GCA: variants seen among roughly 807,000 people sequenced by gnomAD.
GCA encodes grancalcin, EF-hand calcium-binding protein.
GCA carries 30 observed loss-of-function variants against 32.6 expected under a neutral mutation model. The observed-to-expected ratio is 0.92, with a 90% confidence interval of 0.69 to 1.25. The LOEUF (loss-of-function observed/expected upper bound fraction) is 1.25. Among genes scored for constraint, GCA ranks in the 50% most tolerant of loss-of-function variants. The pLI is 0.00. For missense variants in GCA, 291 were observed against 266.8 expected, an observed-to-expected ratio of 1.09 and a Z score of -0.63; for synonymous variants, 102 against 84.6, an observed-to-expected ratio of 1.21 and a Z score of -1.13.
At chr2:162,359,728 A>T (rs536589265) in intron 7 of GCA, among the ~76,000 whole-genome samples, 176 bp downstream of exon 7, 2 of 151,184 alleles carry the variant, frequency 1.3e-5, no homozygotes, top group East Asian at 3.9e-4. Flanking sequence ...GGTGCCAAAC[A>T]ATTTGACTTC....
chr2:162,343,969 T>G, upstream of GCA: 1 of 464,274 alleles, frequency 2.2e-6, no homozygotes, highest in Non-Finnish European at 3.9e-6. Context: ...GGGCTCCCGA[T>G]GGGGTGTAGC....
At chr2:162,374,949 C>T (rs1435276820), downstream of GCA, among the ~76,000 whole-genome samples, 1 of 152,038 alleles carries the variant, frequency 6.6e-6, no homozygotes, top group Non-Finnish European at 1.5e-5. Flanking sequence ...ACTCTTGATA[C>T]CTGAAGGTCT....
chr2:162,345,927 CT>C lies in GCA; in HGVS notation c.28-1650del, dbSNP rs550169456. Among the ~76,000 whole-genome samples the C allele has an allele frequency of 3.9e-5, 6 of 152,228 alleles. 1 individual carries two copies. The South Asian group carries it at 1.2e-3, about 32-fold the overall frequency. ...TTAACAAAATATAAAATGTCAGCTG[CT>C]AGACCTAATTGTTTTGATAGTATAC... On this transcript the variant is annotated intron_variant, in intron 1 of 7. Transcript: ENST00000437150.
chr2:162,360,940 TATTTC>T lies in GCA; in HGVS notation c.*701_*705del. 8.7e-7 allele frequency: 1 copy of T among 1,143,890 alleles called. No individual in the cohort carries two copies. The highest frequency in any genetic ancestry group is 4.4e-5 in the South Asian group (1 of 22,846). The allele number at this position is 1,143,890 out of a possible 1,614,324, so 70.9% of individuals were successfully genotyped here. A position where few individuals can be genotyped will look rare whatever the true frequency, so the allele number is the denominator to read the frequency against. On this transcript the variant is annotated 3_prime_UTR_variant, in exon 8 of 8. Coordinates refer to ENST00000437150, the MANE Select transcript of GCA (RefSeq NM_012198.5). ...AAACATAGTATTTCTCTCTGCGTCC[TATTTC>T]ATTAGTGAAGACATAGTTCACCTAA...
downstream of GCA, among the ~76,000 whole-genome samples, chr2:162,365,376 G>A (rs1168244764): frequency 6.6e-6 from 1 of 151,424 alleles, no homozygotes; most frequent in Non-Finnish European, 1.5e-5. Context: ...TGCAAAACTA[G>A]TTGTGCAAGT....
Position 162,322,840 on chromosome 2 carries a change from C to A in GCA, c.-31+3615C>A, listed in dbSNP as rs1366492869. Among the ~76,000 whole-genome samples the A allele has an allele frequency of 3.3e-5, 5 of 151,726 alleles. No homozygotes were observed. In the East Asian group the frequency reaches 7.7e-4, roughly 23 times the overall value. On this transcript the variant is annotated intron_variant, in intron 1 of 4. Coordinates refer to the GCA transcript ENST00000429691. ...CATTTGGGTTGGTTCCAAGTCTTTGCTATTGTGAATAATGCCACAATAAAC... is the reference window on the plus strand; with the variant it reads ...CATTTGGGTTGGTTCCAAGTCTTTGATATTGTGAATAATGCCACAATAAAC...
intron 3 of GCA, among the ~76,000 whole-genome samples, chr2:162,354,820 A>T (rs1246216564): frequency 6.6e-6 from 1 of 152,120 alleles, no homozygotes; most frequent in African/African-American, 2.4e-5. Context: ...GCCTTAAATC[A>T]GTTTACTCTC....
downstream of GCA, chr2:162,373,418 C>A: frequency 2.3e-6 from 3 of 1,283,274 alleles, no homozygotes; most frequent in South Asian, 2.1e-5. Context: ...TTAGGTGACC[C>A]CTGGAAACAC....
intron 1 of GCA, 139 bp downstream of exon 1, chr2:162,344,414 C>T: frequency 6.4e-6 from 5 of 778,088 alleles, no homozygotes; most frequent in Non-Finnish European, 1.1e-5. Context: ...GATTCCGGGG[C>T]TGTTGGGGGC....
intron 1 of GCA, among the ~76,000 whole-genome samples, chr2:162,327,729 C>T (rs147853327): frequency 7.4e-4 from 113 of 152,346 alleles, no homozygotes; most frequent in African/African-American, 2.7e-3. Context: ...GGAGGCATAC[C>T]TGGCACCTCC....
chr2:162,362,230 T>C lies in GCA; in HGVS notation c.*1987T>C. 1.0e-6 allele frequency: 1 copy of C among 984,596 alleles called. No individual in the cohort carries two copies. Among genetic ancestry groups the C allele is most frequent in the Non-Finnish European group, 1.2e-6 (1 of 829,464 alleles). 61.0% of individuals were successfully genotyped at this position (984,596 alleles called of 1,614,324 possible). A position where few individuals can be genotyped will look rare whatever the true frequency, so the allele number is the denominator to read the frequency against. ...ATGTTTAATTTTATTTGACCCAGTT[T>C]TTTCCAAACTTTTTGACCACAGAAC... is the stretch of plus-strand genomic sequence containing the variant. On this transcript the variant is annotated 3_prime_UTR_variant, in exon 8 of 8. Transcript: ENST00000437150.
intron 2 of GCA, among the ~76,000 whole-genome samples, chr2:162,350,550 T>G (rs776930273): frequency 2.0e-5 from 3 of 152,226 alleles, no homozygotes; most frequent in Non-Finnish European, 2.9e-5. Flanking sequence ...ATAAGTAGTA[T>G]TATACTGAGA....
upstream of GCA, among the ~76,000 whole-genome samples, chr2:162,342,044 T>C (rs1262909156): frequency 6.6e-6 from 1 of 152,206 alleles, no homozygotes; most frequent in Admixed American, 6.5e-5. Flanking sequence ...TAAATAGACA[T>C]GACATTTTCA....
In GCA at chr2:162,362,240, T is replaced by C; in HGVS notation, c.*1997T>C. The C allele has an allele frequency of 1.0e-6, 1 of 984,590 alleles. No individual in the cohort carries two copies. Among genetic ancestry groups the C allele is most frequent in the Non-Finnish European group, 1.2e-6 (1 of 829,442 alleles). The allele number at this position is 984,590 out of a possible 1,614,324, so 61.0% of individuals were successfully genotyped here. A position where few individuals can be genotyped will look rare whatever the true frequency, so the allele number is the denominator to read the frequency against. ...TTATTTGACCCAGTTTTTTCCAAAC[T>C]TTTTGACCACAGAACCCCTTTCTCT... is the stretch of plus-strand genomic sequence containing the variant. On this transcript the variant is annotated 3_prime_UTR_variant, in exon 8 of 8. Transcript: ENST00000437150.
intron 1 of GCA, among the ~76,000 whole-genome samples, chr2:162,327,771 G>A (rs1054942587): frequency 1.3e-5 from 2 of 152,198 alleles, no homozygotes; most frequent in African/African-American, 4.8e-5. Flanking sequence ...CACCTTTGGT[G>A]GCTGGGCCAA....
At chr2:162,357,014 C>T (rs1357646935) in intron 5 of GCA, 109 bp downstream of exon 5, 1 of 698,404 alleles carries the variant, frequency 1.4e-6, no homozygotes. Context: ...ATTTTTTTGC[C>T]AGCAAGTTCC....
intron 3 of GCA, 70 bp downstream of exon 3, chr2:162,352,477 T>C (rs1685053493): frequency 2.1e-6 from 2 of 951,364 alleles, no homozygotes; most frequent in Admixed American, 1.9e-5. Context: ...TTTGTCCCTG[T>C]AATTAAAATG....
rs759501870 is a variant in GCA at position 162,347,593 on chromosome 2, A to G, written c.43A>G (p.Ile15Val). The change falls in exon 2 of 8, where the codon ATT becomes GTT. Residue 15 changes from isoleucine to valine, a missense_variant. Physicochemically the swap from Ile to Val is conservative, Grantham distance 29. Transcript: ENST00000437150. Reference protein sequence around the residue: ...GYGGGFGNFSIQVPGMQMGQP... With the variant: ...GYGGGFGNFSVQVPGMQMGQP... ...ACTATTATAGTTTGGAAATTTTAGC[A>G]TTCAGGTGCCAGGAATGCAGATGGG... The G allele has an allele frequency of 6.2e-7, 1 of 1,606,458 alleles. No individual in the cohort carries two copies. Among genetic ancestry groups the G allele is most frequent in the South Asian group, 1.1e-5 (1 of 90,220 alleles).
chr2:162,374,904 G>A (rs1235686115), downstream of GCA, among the ~76,000 whole-genome samples: 2 of 152,074 alleles, frequency 1.3e-5, no homozygotes, highest in African/African-American at 4.8e-5. Flanking sequence ...ACTCTGAAAA[G>A]GGAAAAATTG....
Sources: gnomAD v4.1 joint callset for allele counts (sites outside exome capture counted in the v4.1 genomes callset) on GRCh38, gnomAD v4.1.1 for gene constraint, MANE v1.5 for transcripts, NCBI Gene and HGNC (gene_info 2026-07-23, HGNC 2026-07-21) for gene names.